Variants in NOX5 observed in about 807,000 individuals in gnomAD.
NOX5 encodes NADPH oxidase, EF-hand calcium binding domain 5.
NOX5 carries 76 observed loss-of-function variants against 85.7 expected under a neutral mutation model. The ratio of observed to expected loss-of-function variants is 0.89; its 90% CI spans 0.74 to 1.07. The LOEUF (loss-of-function observed/expected upper bound fraction) is 1.07. NOX5 is among the 50% of genes least tolerant of loss of function. The pLI is 0.00. For synonymous variants in NOX5, 405 were observed against 401.4 expected (o/e 1.01, Z -0.11); for missense variants, 973 against 999.5 (o/e 0.97, Z 0.36).
Position 69,026,636 on chromosome 15 carries a change from T to C in NOX5, c.159T>C (p.Ala53=). The C allele has an allele frequency of 6.2e-7, 1 of 1,614,146 alleles. No individual in the cohort carries two copies. The change falls in exon 2 of 16, where the codon GCT becomes GCC. Residue 53 remains alanine (A), a synonymous_variant. Transcript: ENST00000388866. ...GEISLQEFKA[A]LHVKESFFAE... is the part of the protein sequence containing the mutation. ...TCAGCCTGCAAGAATTCAAAGCAGCTCTGCATGTGAAAGAGGCAAGTGTTG... is the reference window on the plus strand; with the variant it reads ...TCAGCCTGCAAGAATTCAAAGCAGCCCTGCATGTGAAAGAGGCAAGTGTTG...
chr15:69,052,166 C>A (rs2050757601), intron 14 of NOX5, among the ~76,000 whole-genome samples: 1 of 151,132 alleles, frequency 6.6e-6, no homozygotes, highest in Non-Finnish European at 1.5e-5. Flanking sequence ...TGCAGCGAGC[C>A]ATGATAGCCC....
intron 10 of NOX5, 100 bp downstream of exon 10, chr15:69,042,905 C>T: frequency 7.7e-7 from 1 of 1,293,530 alleles, no homozygotes; most frequent in East Asian, 2.4e-5. Flanking sequence ...TGAGCAACTG[C>T]TGTGTACATA....
At chr15:69,034,924 A>C (rs997620597) in intron 5 of NOX5, among the ~76,000 whole-genome samples, 1 of 151,826 alleles carries the variant, frequency 6.6e-6, no homozygotes, top group African/African-American at 2.4e-5. Context: ...ATGCCCAGCT[A>C]ATTAAACAAT....
In NOX5 at chr15:69,056,666, C is replaced by T. The variant is rs373378260; in HGVS notation, c.2268C>T (p.Phe756=). The T allele has an allele frequency of 3.0e-5, 48 of 1,613,680 alleles. No homozygotes were observed. Among genetic ancestry groups the T allele is most frequent in the South Asian group, 4.4e-5 (4 of 91,056 alleles). ...TGCTGAAGGGCCATTGTGAGAAGTTCGGCTTCAGATTTTTCCAAGAGAATT... is the reference window on the plus strand; with the variant it reads ...TGCTGAAGGGCCATTGTGAGAAGTTTGGCTTCAGATTTTTCCAAGAGAATT... ...AKVLKGHCEK[F]GFRFFQENF Residue 756 remains phenylalanine, a synonymous_variant, in exon 16 of 16, where the codon TTC becomes TTT. Transcript: ENST00000388866.
intron 3 of NOX5, 90 bp downstream of exon 3, chr15:69,028,455 G>A: frequency 1.2e-5 from 15 of 1,303,008 alleles, no homozygotes; most frequent in Non-Finnish European, 1.5e-5. Context: ...GCCTGGAGGT[G>A]CCATCCCGGC....
chr15:69,037,471 A>C, intron 8 of NOX5: 1 of 492,806 alleles, frequency 2.0e-6, no homozygotes, highest in Non-Finnish European at 3.7e-6. Flanking sequence ...TCAGCTCAGT[A>C]AGCGTTTATT....
chr15:69,037,448 A>C (rs556705637), intron 8 of NOX5: 3 of 530,750 alleles, frequency 5.7e-6, no homozygotes, highest in Admixed American at 6.4e-5. Flanking sequence ...GATTTTGGGG[A>C]GAACAGTCTC....
intron 9 of NOX5, among the ~76,000 whole-genome samples, chr15:69,041,944 T>C (rs958885583): frequency 1.3e-5 from 2 of 152,056 alleles, no homozygotes; most frequent in Non-Finnish European, 2.9e-5. Context: ...AGACAATTCT[T>C]GTACTCCCAA....
At chr15:69,049,375 G>T (rs28612931) in intron 14 of NOX5, among the ~76,000 whole-genome samples, 1 of 151,520 alleles carries the variant, frequency 6.6e-6, no homozygotes, top group Non-Finnish European at 1.5e-5. Flanking sequence ...TTTTCTCGTA[G>T]AGATGAAATC....
rs2050680428 is a variant in NOX5, at chr15:69,046,885, G to A, written c.1692+19G>A. The A allele has an allele frequency of 1.2e-6, 2 of 1,612,754 alleles. No individual in the cohort carries two copies. Among genetic ancestry groups the A allele is most frequent in the Non-Finnish European group, 1.7e-6 (2 of 1,179,050 alleles). Reference sequence around the variant, plus strand: ...CATCAAGGTGAGAGGCTGCAGGGGTGGACGTGAGCAATAATGCCTGCCCCA... The same window carrying A: ...CATCAAGGTGAGAGGCTGCAGGGGTAGACGTGAGCAATAATGCCTGCCCCA... On this transcript the variant is annotated intron_variant, in intron 11 of 15. Coordinates refer to ENST00000388866, the MANE Select transcript of NOX5 (RefSeq NM_024505.4).
At position 69,047,878 on chromosome 15, in the gene NOX5, C is replaced by A; in HGVS notation, c.1866C>A (p.Ile622=). The A allele has an allele frequency of 1.2e-6, 2 of 1,614,146 alleles. No individual in the cohort carries two copies. Among genetic ancestry groups the A allele is most frequent in the Non-Finnish European group, 1.7e-6 (2 of 1,180,018 alleles). ...GCCCCAGCTGCCAGCACTCCTGGAT[C>A]GAAGGTGTCCAAGACAACATGAAGC... The part of the protein sequence containing the change: ...HTCPSCQHSW[I]EGVQDNMKLH... Residue 622 remains isoleucine, a synonymous_variant, in exon 13 of 16, where the codon ATC becomes ATA. Transcript: ENST00000388866.
At chr15:69,046,949 G>T in intron 11 of NOX5, 83 bp downstream of exon 11, 3 of 1,456,466 alleles carry the variant, frequency 2.1e-6, no homozygotes, top group Non-Finnish European at 2.9e-6. Context: ...AGGAGGGGCT[G>T]TTGTGGTTGT....
rs139553033 is a variant in NOX5 at position 69,048,990 on chromosome 15, G to A, written c.1931G>A (p.Arg644Gln). The change falls in exon 14 of 16, where the codon CGG becomes CAG. Residue 644 changes from arginine to glutamine, a missense_variant. Transcript: ENST00000388866. The part of the protein sequence containing the change: ...VDFIWINRDQ[R>Q]SFEWFVSLLT... ...TTTATCTGGATCAACAGAGACCAGC[G>A]GTCTTTCGAGTGGTTTGTGAGCCTG... The A allele has an allele frequency of 1.4e-4, 220 of 1,612,700 alleles. No homozygotes were observed. The highest frequency in any genetic ancestry group is 3.4e-4 in the Middle Eastern group (2 of 5,958).
In NOX5 at chr15:69,031,561, TG is replaced by T; in HGVS notation, c.373del (p.Ala125GlnfsTer45). ...CGTCTGCAGGTACAGAGTGGGGTGC[TG>T]GGGCAGGCCCGCACTGGGCTTCATC... ...GASAGTEWGA[G>X]AGPHWASSPL... On this transcript the variant is annotated frameshift_variant, in exon 4 of 16. Coordinates refer to ENST00000388866, the MANE Select transcript of NOX5 (RefSeq NM_024505.4). LOFTEE classifies it high-confidence loss of function. 6.2e-7 allele frequency: 1 copy of T among 1,612,334 alleles called. No individual in the cohort carries two copies.
At chr15:69,042,196 T>G (rs751924072) in intron 9 of NOX5, among the ~76,000 whole-genome samples, 6 of 152,170 alleles carry the variant, frequency 3.9e-5, no homozygotes, top group Non-Finnish European at 5.9e-5. Flanking sequence ...ACACCACATT[T>G]CCATCAGTCA....
chr15:69,043,028 A>T (rs1278927325), intron 10 of NOX5, among the ~76,000 whole-genome samples: 1 of 152,196 alleles, frequency 6.6e-6, no homozygotes, highest in Non-Finnish European at 1.5e-5. Context: ...GAAGGGGGAG[A>T]GAGCAACAGA....
Position 69,042,665 on chromosome 15 carries a change from A to C in NOX5, c.1507A>C (p.Thr503Pro), listed in dbSNP as rs777690380. Residue 503 changes from threonine to proline, a missense_variant and splice_region_variant, in exon 10 of 16, where the codon ACT (threonine) becomes CCT (proline). Coordinates refer to ENST00000388866, the MANE Select transcript of NOX5 (RefSeq NM_024505.4). The part of the protein sequence containing the change: ...TISSAPEQKD[T>P]IWLHIRSQGQ... ...CCTCCCACTCTTCTCTTTCTCAGAC[A>C]CTATCTGGCTGCACATTCGGTCCCA... is the stretch of plus-strand genomic sequence containing the variant. 1.2e-6 allele frequency: 2 copies of C among 1,612,806 alleles called. No homozygotes were observed. Among genetic ancestry groups the C allele is most frequent in the South Asian group, 2.2e-5 (2 of 90,946 alleles).
At position 69,028,272 on chromosome 15, in the gene NOX5, AC is replaced by A; in HGVS notation, c.235del (p.Leu79SerfsTer8). 1 of 1,613,062 alleles carries A rather than the reference AC, an allele frequency of 6.2e-7. No individual in the cohort carries two copies. Reference protein sequence around the residue: ...LFDSDRSGTITLQELQEALTL... With the variant: ...LFDSDRSGTIXLQELQEALTL... ...TGACTCCGATAGAAGTGGCACCATCACCCTCCAGGAGCTGCAGGAGGCACTG... is the reference window on the plus strand; with the variant it reads ...TGACTCCGATAGAAGTGGCACCATCACCTCCAGGAGCTGCAGGAGGCACTG... On this transcript the variant is annotated frameshift_variant, in exon 3 of 16. Coordinates refer to ENST00000388866, the MANE Select transcript of NOX5 (RefSeq NM_024505.4). LOFTEE classifies it high-confidence loss of function.
chr15:69,056,467 C>T (rs1595794100), intron 15 of NOX5, 98 bp from the exon 16 acceptor site: 22 of 1,487,234 alleles, frequency 1.5e-5, no homozygotes, highest in Admixed American at 4.1e-5. Context: ...TCATTGCTGC[C>T]GACCCGTTAT....
Sources: allele counts gnomAD v4.1 joint callset (sites outside exome capture counted in the v4.1 genomes callset), GRCh38; gene constraint gnomAD v4.1.1; transcripts MANE v1.5; gene names NCBI Gene and HGNC (gene_info 2026-07-23, HGNC 2026-07-21).